Variants in ITGA8 observed in about 807,000 individuals in gnomAD.
ITGA8 encodes integrin subunit alpha 8, also known as integrin alpha-8.
In ITGA8, 91 loss-of-function variants were observed where a neutral mutation model predicts 142.3. The ratio of observed to expected loss-of-function variants is 0.64; its 90% CI spans 0.54 to 0.76. The LOEUF is 0.76. Among genes scored for constraint, ITGA8 ranks in the 30% least tolerant of loss-of-function variants. ITGA8 has a pLI of 0.00. For synonymous variants in ITGA8, 505 were observed against 485.2 expected (o/e 1.04, Z -0.54); for missense variants, 1,406 against 1,327.7 (o/e 1.06, Z -0.92).
rs1333394148 is a variant in ITGA8, at chr10:15,666,371, G to A, written c.847+5232C>T. Among the ~76,000 whole-genome samples the A allele has an allele frequency of 9.2e-5, 14 of 152,234 alleles. No individual in the cohort carries two copies. The South Asian group carries it at 1.0e-3, about 11-fold the overall frequency. On this transcript the variant is annotated intron_variant, in intron 8 of 29. Coordinates refer to ENST00000378076, the MANE Select transcript of ITGA8 (RefSeq NM_003638.3). ...TGTGATTTTTGTACATTGATTTTGT[G>A]TCCTGAGACTTTGCTGAAGTTGCTT...
rs143219339 is a variant in ITGA8 at position 15,700,441 on chromosome 10, C to T, written c.344-12403G>A. ...ATTTCCTCTTCCTGGAATGCTCTTC[C>T]CACAGTGCTTCACTTGGCTGCCTTC... On this transcript the variant is annotated intron_variant, in intron 2 of 29. Transcript: ENST00000378076. Among the ~76,000 whole-genome samples the T allele has an allele frequency of 3.9e-3, 590 of 152,260 alleles. 5 individuals are homozygous for T. Among genetic ancestry groups the T allele is most frequent in the African/African-American group, 0.013 (560 of 41,548 alleles).
chr10:15,525,370 C>T (rs1289797543), intron 28 of ITGA8, among the ~76,000 whole-genome samples: 7 of 151,982 alleles, frequency 4.6e-5, no homozygotes, highest in South Asian at 2.1e-4. Context: ...GGGCCAGGCA[C>T]GGTGGCTCAC....
At chr10:15,656,066 CAGAG>C (rs1261748003) in intron 10 of ITGA8, among the ~76,000 whole-genome samples, 3 of 152,122 alleles carry the variant, frequency 2.0e-5, no homozygotes, top group Admixed American at 1.3e-4. Context: ...GCCTGGGTGA[CAGAG>C]AGAGACCCTG....
At chr10:15,707,846 A>C (rs2131734091) in intron 2 of ITGA8, among the ~76,000 whole-genome samples, 1 of 151,892 alleles carries the variant, frequency 6.6e-6, no homozygotes, top group East Asian at 1.9e-4. Flanking sequence ...GGAAAGAAAA[A>C]GAAAAAAAAG....
intron 20 of ITGA8, among the ~76,000 whole-genome samples, chr10:15,598,852 T>G (rs1186539881): frequency 1.3e-5 from 2 of 152,208 alleles, no homozygotes; most frequent in Admixed American, 1.3e-4. Context: ...TTACGTCGGA[T>G]GAGCTAAAAA....
At chr10:15,707,793 G>A (rs1361086184) in intron 2 of ITGA8, among the ~76,000 whole-genome samples, 4 of 150,864 alleles carry the variant, frequency 2.7e-5, no homozygotes, top group Non-Finnish European at 4.4e-5. Context: ...ACTACACTCC[G>A]GCCTCGGTGA....
intron 28 of ITGA8, among the ~76,000 whole-genome samples, chr10:15,524,516 C>T (rs1042325410): frequency 7.2e-5 from 11 of 152,184 alleles, no homozygotes; most frequent in Admixed American, 2.0e-4. Flanking sequence ...GTATATGTCT[C>T]GGCAAGAGAG....
At chr10:15,668,955 T>G (rs1490162774) in intron 8 of ITGA8, among the ~76,000 whole-genome samples, 1 of 152,226 alleles carries the variant, frequency 6.6e-6, no homozygotes, top group Non-Finnish European at 1.5e-5. Context: ...CCTTAACATT[T>G]TTCCTTCATT....
intron 13 of ITGA8, among the ~76,000 whole-genome samples, chr10:15,627,799 G>A (rs2131630436): frequency 6.6e-6 from 1 of 152,118 alleles, no homozygotes; most frequent in South Asian, 2.1e-4. Flanking sequence ...TAGGGGCTGG[G>A]TAAAATAAGG....
intron 2 of ITGA8, among the ~76,000 whole-genome samples, chr10:15,712,064 A>G (rs574478741): frequency 7.9e-5 from 12 of 152,346 alleles, no homozygotes; most frequent in Non-Finnish European, 1.3e-4. Flanking sequence ...TCTCCTTATC[A>G]TGTAACCTGG....
At chr10:15,666,143 C>G (rs953394957) in intron 8 of ITGA8, among the ~76,000 whole-genome samples, 13 of 152,120 alleles carry the variant, frequency 8.5e-5, no homozygotes, top group African/African-American at 2.2e-4. Context: ...ATTCTTCCTA[C>G]CCATGAGCAT....
At chr10:15,546,527 A>G (rs541198954) in intron 27 of ITGA8, among the ~76,000 whole-genome samples, 1 of 152,266 alleles carries the variant, frequency 6.6e-6, no homozygotes, top group African/African-American at 2.4e-5. Context: ...TGGTTGTCAC[A>G]CCTGGGGTGA....
At chr10:15,652,502 T>C (rs762538392) in intron 11 of ITGA8, among the ~76,000 whole-genome samples, 6 of 151,988 alleles carry the variant, frequency 3.9e-5, no homozygotes, top group Non-Finnish European at 8.8e-5. Flanking sequence ...AGAAACCTTG[T>C]TTTTGTAAGC....
rs71374633 is a variant in ITGA8, at chr10:15,565,573, ATTTTTTTTTT to A, written c.2637+6628_2637+6637del. Among the ~76,000 whole-genome samples the A allele has an allele frequency of 4.0e-4, 14 of 34,784 alleles. 1 individual carries two copies. Among genetic ancestry groups the A allele is most frequent in the East Asian group, 2.8e-3 (2 of 718 alleles). The allele number at this position is 34,784 out of a possible 152,430, so 22.8% of individuals were successfully genotyped here. A position where few individuals can be genotyped will look rare whatever the true frequency, so the allele number is the denominator to read the frequency against. ...ATAATCTTCTTCCTTTCATGTCCTG[ATTTTTTTTTT>A]TTTTTTTTTTTTTTTTTTTTTTTTG... On this transcript the variant is annotated intron_variant, in intron 25 of 29. Transcript: ENST00000378076.
At chr10:15,620,335 G>A (rs925026222) in intron 13 of ITGA8, among the ~76,000 whole-genome samples, 1 of 137,074 alleles carries the variant, frequency 7.3e-6, no homozygotes, top group Non-Finnish European at 1.6e-5. Context: ...ACACACACAC[G>A]TTCCAGATTC....
rs1832944385 is a variant in ITGA8, at chr10:15,515,294, A to C, written c.*1864T>G. On this transcript the variant is annotated 3_prime_UTR_variant, in exon 30 of 30. Transcript: ENST00000378076. Reference sequence around the variant, plus strand: ...AGTGCTCATCCGTAGTCAGCCACACAAACCAGCCTTGAGCTCCTGACCGAC... The same window carrying C: ...AGTGCTCATCCGTAGTCAGCCACACCAACCAGCCTTGAGCTCCTGACCGAC... 1 of 152,314 alleles carries C rather than the reference A, an allele frequency of 6.6e-6. No homozygotes were observed. Among genetic ancestry groups the C allele is most frequent in the Admixed American group, 6.5e-5 (1 of 15,268 alleles). 9.4% of individuals were successfully genotyped at this position (152,314 alleles called of 1,614,324 possible).
At chr10:15,633,426 C>G (rs993653993) in intron 13 of ITGA8, among the ~76,000 whole-genome samples, 1 of 151,940 alleles carries the variant, frequency 6.6e-6, no homozygotes, top group Non-Finnish European at 1.5e-5. Flanking sequence ...ATGCCAAATT[C>G]CTTTTATTTT....
intron 28 of ITGA8, among the ~76,000 whole-genome samples, chr10:15,530,802 T>A (rs187298437): frequency 5.7e-4 from 87 of 152,334 alleles, no homozygotes; most frequent in Admixed American, 8.5e-4. Context: ...CTGAATAAAA[T>A]GTCTTCATTT....
At chr10:15,661,038 C>A (rs1834276875) in intron 8 of ITGA8, 116 bp from the exon 9 acceptor site, 1 of 957,534 alleles carries the variant, frequency 1.0e-6, no homozygotes, top group Non-Finnish European at 1.6e-6. Context: ...GGCTATCATA[C>A]AGAGCAGGGG....
Sources: allele counts gnomAD v4.1 joint callset (sites outside exome capture counted in the v4.1 genomes callset), GRCh38; gene constraint gnomAD v4.1.1; transcripts MANE v1.5; gene names NCBI Gene and HGNC (gene_info 2026-07-23, HGNC 2026-07-21).